The following KLHL15 variants were observed in gnomAD, a reference collection of about 807,000 sequenced individuals.
The protein encoded by KLHL15 is kelch like family member 15, also known as kelch-like protein 15.
Under a neutral mutation model 29.3 loss-of-function variants are expected in KLHL15, and 1 was observed. The observed-to-expected ratio is 0.03, with a 90% confidence interval of 0.01 to 0.16. KLHL15 has a LOEUF of 0.16. Ranked by LOEUF, KLHL15 falls within the 10% of genes least tolerant of loss-of-function variation. The pLI is 1.00. For synonymous variants in KLHL15, 212 were observed against 184.5 expected (o/e 1.15, Z -1.21); for missense variants, 215 against 478.5 (o/e 0.45, Z 5.14).
rs1165630005 is a variant in KLHL15, at chrX:23,987,092, T to G, written c.*829A>C. On this transcript the variant is annotated 3_prime_UTR_variant, in exon 4 of 4. Coordinates refer to ENST00000328046, the MANE Select transcript of KLHL15 (RefSeq NM_030624.3). ...GTTAGTTTTCATAACCATACATGTT[T>G]CAGAAATATAAGGAGTTCAAATATT... 1 of 112,844 alleles carries G rather than the reference T, an allele frequency of 8.9e-6. No homozygotes were observed. The highest frequency in any genetic ancestry group is 1.9e-5 in the Non-Finnish European group (1 of 53,376). 9.3% of individuals were successfully genotyped at this position (112,844 alleles called of 1,213,427 possible).
chrX:23,987,921 T>C lies in KLHL15; in HGVS notation c.1815A>G (p.Ter605=). The stretch of plus-strand genomic sequence containing the variant: ...TCTTTTTTTAGGGAGGAGGATGTCA[T>C]TAGTTGCAACGCCTGACCTCATCCA... The part of the protein sequence containing the change: ...YVLDEVRRCN[*] Residue 605 remains the stop codon, a stop_retained_variant, in exon 4 of 4, where the codon TAA becomes TAG. Coordinates refer to ENST00000328046, the MANE Select transcript of KLHL15 (RefSeq NM_030624.3). 1 of 1,189,445 alleles carries C rather than the reference T, an allele frequency of 8.4e-7. No individual in the cohort carries two copies. Among genetic ancestry groups the C allele is most frequent in the Non-Finnish European group, 1.1e-6 (1 of 883,262 alleles).
At chrX:23,996,925 A>G (rs1929202195) in intron 3 of KLHL15, among the ~76,000 whole-genome samples, 1 of 112,497 alleles carries the variant, frequency 8.9e-6, no homozygotes, top group Non-Finnish European at 1.9e-5. Flanking sequence ...CCAAGGATAA[A>G]GCTATGAAAA....
chrX:24,006,748 G>A (rs1929451948), intron 2 of KLHL15, 48 bp from the exon 3 acceptor site: 20 of 948,536 alleles, frequency 2.1e-5, no homozygotes, highest in Non-Finnish European at 2.9e-5. Context: ...CATGCATTCA[G>A]AAGAAAATAT....
intron 2 of KLHL15, among the ~76,000 whole-genome samples, chrX:24,021,436 C>A (rs1929801621): frequency 9.0e-6 from 1 of 111,397 alleles, no homozygotes; most frequent in South Asian, 3.7e-4. Context: ...TGACAATCCC[C>A]ATGCCCCTCC....
intron 3 of KLHL15, among the ~76,000 whole-genome samples, chrX:23,999,816 C>T (rs1169815022): frequency 1.8e-5 from 2 of 111,896 alleles, no homozygotes; most frequent in African/African-American, 6.5e-5. Context: ...TACATCTATA[C>T]ATAAAAGGCA....
chrX:24,014,792 G>A lies in KLHL15; in HGVS notation c.-7-8092C>T, dbSNP rs142512600. On this transcript the variant is annotated intron_variant, in intron 2 of 3. Coordinates refer to ENST00000328046, the MANE Select transcript of KLHL15 (RefSeq NM_030624.3). Reference sequence around the variant, plus strand: ...GCCACAGTCACTCGTGGTCATACAGGAGTGGGAAATATGAATCAAGATGAA... The same window carrying A: ...GCCACAGTCACTCGTGGTCATACAGAAGTGGGAAATATGAATCAAGATGAA... Among the ~76,000 whole-genome samples the A allele has an allele frequency of 8.9e-3, 1,000 of 112,212 alleles. 4 individuals are homozygous for A. The highest frequency in any genetic ancestry group is 0.014 in the Non-Finnish European group (765 of 53,212).
chrX:23,995,401 T>C (rs1171221628), intron 3 of KLHL15, among the ~76,000 whole-genome samples: 1 of 75,639 alleles, frequency 1.3e-5, no homozygotes, highest in African/African-American at 5.6e-5. Context: ...AGCGAGACTC[T>C]GTCTCAAAAA....
chrX:24,022,859 A>T (rs1374252654), intron 2 of KLHL15, among the ~76,000 whole-genome samples: 1 of 107,383 alleles, frequency 9.3e-6, no homozygotes, highest in African/African-American at 3.4e-5. Flanking sequence ...AGCTGGGAAT[A>T]GAGTAGCTGG....
chrX:24,014,056 G>A (rs942118071), intron 2 of KLHL15, among the ~76,000 whole-genome samples: 1 of 102,602 alleles, frequency 9.7e-6, no homozygotes, highest in African/African-American at 3.6e-5. Flanking sequence ...GCACTTGAAA[G>A]ACCAGCCTGA....
chrX:24,000,549 A>G, intron 3 of KLHL15, among the ~76,000 whole-genome samples: 1 of 112,396 alleles, frequency 8.9e-6, no homozygotes, highest in Non-Finnish European at 1.9e-5. Flanking sequence ...TCTAAAACTG[A>G]GGGCTTATAT....
At chrX:24,011,450 C>T (rs184956258) in intron 2 of KLHL15, among the ~76,000 whole-genome samples, 6 of 111,056 alleles carry the variant, frequency 5.4e-5, no homozygotes, top group African/African-American at 1.3e-4. Flanking sequence ...TCCAGGCCAG[C>T]GTGGCCAACA....
At chrX:24,005,349 G>C (rs1160224126) in intron 3 of KLHL15, among the ~76,000 whole-genome samples, 1 of 112,134 alleles carries the variant, frequency 8.9e-6, no homozygotes, top group Non-Finnish European at 1.9e-5. Flanking sequence ...GTAGATAGAA[G>C]AGTTATAGTC....
chrX:24,009,011 T>C (rs1321830684), intron 2 of KLHL15, among the ~76,000 whole-genome samples: 3 of 111,654 alleles, frequency 2.7e-5, no homozygotes, highest in East Asian at 2.8e-4. Flanking sequence ...CTGTCACCCC[T>C]TGTCACTTCC....
chrX:23,989,429 C>T (rs1289976158), intron 3 of KLHL15, among the ~76,000 whole-genome samples: 1 of 111,443 alleles, frequency 9.0e-6, no homozygotes, highest in South Asian at 3.7e-4. Context: ...CCCGCCTCAG[C>T]CTCCCAAAGT....
intron 3 of KLHL15, among the ~76,000 whole-genome samples, 198 bp from the exon 4 acceptor site, chrX:23,989,228 T>C (rs5925973): frequency 0.17 from 18,800 of 107,526 alleles, 1,528 homozygotes; most frequent in South Asian, 0.53. Context: ...TCTCACTCTG[T>C]TGCCCAGGCT....
Position 23,990,739 on chromosome X carries a change from A to T in KLHL15, c.706-1709T>A, listed in dbSNP as rs536903117. 6.5e-4 allele frequency among the ~76,000 whole-genome samples: 72 copies of T among 110,377 alleles called. 1 individual carries two copies. In the South Asian group the frequency reaches 0.027, roughly 42 times the overall value. On this transcript the variant is annotated intron_variant, in intron 3 of 3. Coordinates refer to ENST00000328046, the MANE Select transcript of KLHL15 (RefSeq NM_030624.3). ...GGATGACAGTTTGGGAGGGAAGTCA[A>T]AACCAGGTGTATATATTTATGAGCT... is the stretch of plus-strand genomic sequence containing the variant.
intron 3 of KLHL15, among the ~76,000 whole-genome samples, chrX:23,999,458 G>A (rs1016446718): frequency 4.6e-5 from 5 of 109,131 alleles, no homozygotes; most frequent in Non-Finnish European, 7.6e-5. Flanking sequence ...AGCCGGGCGC[G>A]GTGGCGGGCG....
intron 2 of KLHL15, among the ~76,000 whole-genome samples, chrX:24,014,532 A>T (rs1929637319): frequency 9.5e-6 from 1 of 105,749 alleles, no homozygotes; most frequent in Non-Finnish European, 2.0e-5. Context: ...CAAAAAAACA[A>T]AAAAAAACAC....
intron 3 of KLHL15, among the ~76,000 whole-genome samples, chrX:23,998,917 T>C (rs986152780): frequency 1.8e-5 from 2 of 111,415 alleles, no homozygotes; most frequent in African/African-American, 6.5e-5. Context: ...TATTTATTTA[T>C]TGATTGAGAC....
Sources: gnomAD v4.1 joint callset for allele counts (sites outside exome capture counted in the v4.1 genomes callset) on GRCh38, gnomAD v4.1.1 for gene constraint, MANE v1.5 for transcripts, NCBI Gene and HGNC (gene_info 2026-07-23, HGNC 2026-07-21) for gene names.